Variants in CHD9 observed in about 807,000 individuals in gnomAD.
CHD9 encodes ATP-dependent chromatin remodeler CHD9.
In CHD9, 77 loss-of-function variants were observed where a neutral mutation model predicts 316.1. The observed-to-expected ratio is 0.24, with a 90% CI of 0.20 to 0.29. The LOEUF (loss-of-function observed/expected upper bound fraction) is 0.29. CHD9 is among the 10% of genes least tolerant of loss of function. The pLI, the probability that CHD9 is intolerant of heterozygous loss-of-function variation, is 1.00. For synonymous variants in CHD9, 1,129 were observed against 1,158.3 expected (o/e 0.97, Z 0.51); for missense variants, 2,763 against 3,438.1 (o/e 0.80, Z 4.91).
chr16:53,268,421 C>T (rs986799376), intron 22 of CHD9, among the ~76,000 whole-genome samples: 4 of 152,030 alleles, frequency 2.6e-5, no homozygotes, highest in Non-Finnish European at 4.4e-5. Context: ...CTTAGTATTC[C>T]GTAGTATGGA....
At chr16:53,293,571 G>A (rs990829729) in intron 29 of CHD9, among the ~76,000 whole-genome samples, 1 of 152,130 alleles carries the variant, frequency 6.6e-6, no homozygotes, top group Non-Finnish European at 1.5e-5. Flanking sequence ...AGATGTGATT[G>A]TACCACTGCA....
intron 1 of CHD9, among the ~76,000 whole-genome samples, chr16:53,072,895 A>G (rs1270005196): frequency 6.6e-6 from 1 of 151,934 alleles, no homozygotes; most frequent in Non-Finnish European, 1.5e-5. Flanking sequence ...TGGTTTCACC[A>G]TGTTAGCCAG....
intron 33 of CHD9, 112 bp from the exon 34 acceptor site, chr16:53,308,574 T>C (rs1284467203): frequency 1.4e-6 from 1 of 709,838 alleles, no homozygotes. Flanking sequence ...ACTTCTTTGA[T>C]GTTTCAGGAT....
At chr16:53,201,109 C>CTTAA in intron 2 of CHD9, among the ~76,000 whole-genome samples, 1 of 152,254 alleles carries the variant, frequency 6.6e-6, no homozygotes, top group Middle Eastern at 3.4e-3. Flanking sequence ...AACCCATGCC[C>CTTAA]TTAATCACAA....
chr16:53,186,689 C>A (rs889616717), intron 2 of CHD9, among the ~76,000 whole-genome samples: 1 of 152,136 alleles, frequency 6.6e-6, no homozygotes, highest in East Asian at 1.9e-4. Context: ...GTGGGAAGGA[C>A]CAGGTGGAGA....
At chr16:53,316,899 T>C (rs956236355) in intron 36 of CHD9, among the ~76,000 whole-genome samples, 3 of 152,080 alleles carry the variant, frequency 2.0e-5, no homozygotes, top group Admixed American at 6.5e-5. Flanking sequence ...CTAGGCAATA[T>C]AGAATTATTA....
At chr16:53,112,154 T>A (rs1942083655) in intron 1 of CHD9, among the ~76,000 whole-genome samples, 1 of 152,232 alleles carries the variant, frequency 6.6e-6, no homozygotes, top group South Asian at 2.1e-4. Context: ...TAAAATCACC[T>A]GCAAAACTGC....
At chr16:53,084,996 TC>T (rs1345286537) in intron 1 of CHD9, among the ~76,000 whole-genome samples, 23 of 152,206 alleles carry the variant, frequency 1.5e-4, no homozygotes, top group Non-Finnish European at 2.8e-4. Context: ...TTTGTTTGGC[TC>T]ATAACATCGT....
intron 1 of CHD9, among the ~76,000 whole-genome samples, chr16:53,116,577 G>A (rs1286850818): frequency 6.6e-6 from 1 of 152,186 alleles, no homozygotes; most frequent in African/African-American, 2.4e-5. Context: ...AGAAACAACA[G>A]ATGCTGGTGA....
Position 53,088,071 on chromosome 16 carries a change from C to T in CHD9, c.-165+32994C>T, listed in dbSNP as rs142930366. ...TGGATTTGGAGTTCAAATGTTAGAGCGGGACTCTCCTTACGTCTTGGCTCC... is the reference window on the plus strand; with the variant it reads ...TGGATTTGGAGTTCAAATGTTAGAGTGGGACTCTCCTTACGTCTTGGCTCC... On this transcript the variant is annotated intron_variant, in intron 1 of 38. Transcript: ENST00000447540. Among the ~76,000 whole-genome samples the T allele has an allele frequency of 5.3e-5, 8 of 152,076 alleles. No homozygotes were observed. The East Asian group carries it at 9.7e-4, about 18-fold the overall frequency.
intron 1 of CHD9, among the ~76,000 whole-genome samples, chr16:53,076,642 T>C (rs2034554831): frequency 6.6e-6 from 1 of 151,256 alleles, no homozygotes; most frequent in Admixed American, 6.6e-5. Flanking sequence ...GGCATGGTGG[T>C]GCATGCCTGT....
chr16:53,086,110 T>C (rs11860145), intron 1 of CHD9, among the ~76,000 whole-genome samples: 118,266 of 152,030 alleles, frequency 0.78, 46,313 homozygotes, highest in East Asian at 0.82. Context: ...AACAGCCACA[T>C]GCCCAGAGCT....
intron 1 of CHD9, among the ~76,000 whole-genome samples, chr16:53,117,812 A>G (rs1408907324): frequency 2.0e-5 from 3 of 150,600 alleles, no homozygotes; most frequent in African/African-American, 4.9e-5. Flanking sequence ...ATGTGCCTGT[A>G]TAAGACCTAA....
chr16:53,122,293 TGTAA>T (rs2038774968), intron 1 of CHD9: 2 of 152,132 alleles, frequency 1.3e-5, no homozygotes, highest in Admixed American at 6.6e-5. Context: ...ACATACATGG[TGTAA>T]GTATTTAAAT....
chr16:53,124,732 G>A (rs1191083660), intron 1 of CHD9, among the ~76,000 whole-genome samples: 12 of 151,782 alleles, frequency 7.9e-5, no homozygotes, highest in East Asian at 1.9e-4. Flanking sequence ...TGCCCTCTTC[G>A]GCCTCCCAAA....
chr16:53,249,478 T>A (rs2049955050), intron 16 of CHD9, among the ~76,000 whole-genome samples: 1 of 152,210 alleles, frequency 6.6e-6, no homozygotes, highest in African/African-American at 2.4e-5. Context: ...GAGAGTAACA[T>A]GGATTAAGGA....
At chr16:53,191,320 T>C (rs1306377044) in intron 2 of CHD9, among the ~76,000 whole-genome samples, 3 of 152,100 alleles carry the variant, frequency 2.0e-5, no homozygotes, top group Admixed American at 2.0e-4. Context: ...TTACACACAG[T>C]CAAAAGTCAC....
At chr16:53,275,379 C>G (rs1220500558) in intron 24 of CHD9, among the ~76,000 whole-genome samples, 1 of 152,142 alleles carries the variant, frequency 6.6e-6, no homozygotes, top group Non-Finnish European at 1.5e-5. Context: ...TACAGAAGTA[C>G]TTTTTGAGTA....
intron 1 of CHD9, among the ~76,000 whole-genome samples, chr16:53,125,218 A>ATTTTTTTTT (rs34096444): frequency 1.7e-4 from 16 of 95,778 alleles, no homozygotes; most frequent in Non-Finnish European, 2.2e-4. Flanking sequence ...TCAAGTTAGG[A>ATTTTTTTTT]TTTTTTTTTT....
Sources: gnomAD v4.1 joint callset for allele counts (sites outside exome capture counted in the v4.1 genomes callset) on GRCh38, gnomAD v4.1.1 for gene constraint, MANE v1.5 for transcripts, NCBI Gene and HGNC (gene_info 2026-07-23, HGNC 2026-07-21) for gene names.